Variants in MTUS2 observed in about 807,000 individuals in gnomAD.
MTUS2 encodes the protein microtubule-associated tumor suppressor candidate 2.
MTUS2 carries 40 observed loss-of-function variants against 114.1 expected under a neutral mutation model. The observed-to-expected ratio is 0.35, with a 90% confidence interval of 0.27 to 0.46. The LOEUF (loss-of-function observed/expected upper bound fraction) is 0.46, where lower values mean the gene tolerates loss of function less well. Among genes scored for constraint, MTUS2 ranks in the 20% least tolerant of loss-of-function variants. The pLI, the probability that MTUS2 is intolerant of heterozygous loss-of-function variation, is 1.00. For missense variants in MTUS2, 1,679 were observed against 1,705.4 expected (o/e 0.98, Z 0.27); for synonymous variants, 688 against 672.0 (o/e 1.02, Z -0.37).
chr13:29,186,622 T>C (rs1000881082), intron 5 of MTUS2, among the ~76,000 whole-genome samples: 13 of 152,200 alleles, frequency 8.5e-5, no homozygotes, highest in African/African-American at 3.1e-4. Flanking sequence ...CCAAAATACA[T>C]GAAGCAAAAA....
At chr13:29,414,975 G>A (rs369595899) in intron 8 of MTUS2, among the ~76,000 whole-genome samples, 11 of 146,864 alleles carry the variant, frequency 7.5e-5, no homozygotes, top group Middle Eastern at 3.6e-3. Context: ...GATATGTTTC[G>A]GTTTGGGGGG....
intron 2 of MTUS2, among the ~76,000 whole-genome samples, chr13:28,961,373 A>C (rs1007239932): frequency 6.6e-6 from 1 of 152,160 alleles, no homozygotes; most frequent in Admixed American, 6.5e-5. Flanking sequence ...AAAATGTTGA[A>C]AGTAGCATCA....
intron 2 of MTUS2, among the ~76,000 whole-genome samples, chr13:28,868,410 C>T (rs114733051): frequency 0.014 from 2,056 of 152,216 alleles, 43 homozygotes; most frequent in African/African-American, 0.045. Flanking sequence ...GCTGGGTTGG[C>T]GCCACAGCCT....
chr13:29,026,943 G>C, intron 3 of MTUS2, 40 bp downstream of exon 3: 1 of 1,504,344 alleles, frequency 6.6e-7, no homozygotes, highest in South Asian at 1.3e-5. Flanking sequence ...TAAGTTGACT[G>C]TCCCAATATC....
intron 8 of MTUS2, among the ~76,000 whole-genome samples, chr13:29,420,088 A>G (rs1875963681): frequency 6.6e-6 from 1 of 152,122 alleles, no homozygotes; most frequent in Non-Finnish European, 1.5e-5. Flanking sequence ...TATATAGTAG[A>G]TAGTTTTATC....
chr13:29,203,773 GAGGTAGTT>G (rs200356127), intron 5 of MTUS2, among the ~76,000 whole-genome samples: 12,742 of 151,958 alleles, frequency 0.084, 697 homozygotes, highest in African/African-American at 0.14. Context: ...TTGGCTAGGG[GAGGTAGTT>G]CTTAGACCCA....
intron 4 of MTUS2, among the ~76,000 whole-genome samples, chr13:29,095,242 AG>A (rs1191380661): frequency 2.0e-5 from 3 of 152,176 alleles, no homozygotes; most frequent in African/African-American, 7.2e-5. Flanking sequence ...ATTGAAAGTG[AG>A]GTATTGAAGT....
chr13:29,029,606 A>G (rs530349646), intron 3 of MTUS2, among the ~76,000 whole-genome samples: 2 of 152,336 alleles, frequency 1.3e-5, no homozygotes, highest in African/African-American at 4.8e-5. Context: ...GAGGCTGGGT[A>G]AATTATAAGG....
intron 2 of MTUS2, among the ~76,000 whole-genome samples, chr13:28,892,590 T>C (rs1366614950): frequency 2.6e-5 from 4 of 152,176 alleles, no homozygotes; most frequent in Non-Finnish European, 5.9e-5. Flanking sequence ...TGACTCTGGG[T>C]TCATTGAGTG....
intron 5 of MTUS2, among the ~76,000 whole-genome samples, chr13:29,236,290 A>C (rs1896532749): frequency 6.6e-6 from 1 of 152,100 alleles, no homozygotes; most frequent in Admixed American, 6.6e-5. Flanking sequence ...TATTTTACTC[A>C]ATATTGTCTT....
chr13:29,254,139 A>G (rs1266676718), intron 5 of MTUS2, among the ~76,000 whole-genome samples: 1 of 152,228 alleles, frequency 6.6e-6, no homozygotes, highest in African/African-American at 2.4e-5. Flanking sequence ...GACCATGATG[A>G]GGATGAGAGG....
chr13:28,981,472 T>A (rs1455758343), intron 2 of MTUS2, among the ~76,000 whole-genome samples: 1 of 152,180 alleles, frequency 6.6e-6, no homozygotes, highest in Non-Finnish European at 1.5e-5. Context: ...ATATCTTGAC[T>A]ATGGTAGTAG....
At chr13:28,879,569 T>TG (rs1222006531) in intron 2 of MTUS2, among the ~76,000 whole-genome samples, 1 of 152,214 alleles carries the variant, frequency 6.6e-6, no homozygotes, top group East Asian at 1.9e-4. Context: ...AATCTTGACC[T>TG]GGGGCCTCTC....
chr13:29,059,908 G>A (rs1888329954), intron 4 of MTUS2, among the ~76,000 whole-genome samples: 1 of 152,224 alleles, frequency 6.6e-6, no homozygotes, highest in Non-Finnish European at 1.5e-5. Flanking sequence ...AACAACAGGA[G>A]GGCTGTGCCT....
chr13:29,162,113 C>G (rs1893124328), intron 5 of MTUS2, among the ~76,000 whole-genome samples: 1 of 152,144 alleles, frequency 6.6e-6, no homozygotes, highest in African/African-American at 2.4e-5. Context: ...TCCCTTCTCT[C>G]TGTGTGTGTC....
Position 29,025,259 on chromosome 13 carries a change from C to G in MTUS2, c.561C>G (p.Val187=). 6.2e-7 allele frequency: 1 copy of G among 1,613,930 alleles called. No individual in the cohort carries two copies. The highest frequency in any genetic ancestry group is 2.2e-5 in the East Asian group (1 of 44,874). Residue 187 remains valine (V), a synonymous_variant, in exon 3 of 16, where the codon GTC becomes GTG. Transcript: ENST00000612955. Reference sequence around the variant, plus strand: ...GAGCAAGCAGCTCTGTAGCTGCAGTCGGGAGCCTGACTCCGCAGCATCCAC... The same window carrying G: ...GAGCAAGCAGCTCTGTAGCTGCAGTGGGGAGCCTGACTCCGCAGCATCCAC... The part of the protein sequence containing the change: ...LERASSSVAA[V]GSLTPQHPQP...
chr13:29,502,861 A>T, intron 15 of MTUS2, 132 bp from the exon 16 acceptor site: 1 of 841,790 alleles, frequency 1.2e-6, no homozygotes, highest in East Asian at 2.7e-5. Context: ...GTTCTTGGTC[A>T]CTGGGTCACC....
At chr13:29,452,169 A>G (rs1397434703) in intron 9 of MTUS2, among the ~76,000 whole-genome samples, 2 of 152,186 alleles carry the variant, frequency 1.3e-5, no homozygotes, top group African/African-American at 4.8e-5. Context: ...CCTTAAATGT[A>G]CCAGAGACTG....
rs369487633 is a variant in MTUS2 at position 29,026,015 on chromosome 13, T to G, written c.1317T>G (p.Phe439Leu). The change falls in exon 3 of 16, where the codon TTT becomes TTG. Residue 439 changes from phenylalanine (F) to leucine (L), a missense_variant. Coordinates refer to ENST00000612955, the MANE Select transcript of MTUS2 (RefSeq NM_001033602.4). ...SFSPGDSHVA[F>L]IPNNLTDSKP... is the part of the protein sequence containing the mutation. ...CACCAGGTGACAGTCATGTGGCTTT[T>G]ATTCCTAATAATCTGACTGACAGCA... 1.2e-6 allele frequency: 2 copies of G among 1,613,908 alleles called. No individual in the cohort carries two copies. The highest frequency in any genetic ancestry group is 2.7e-5 in the African/African-American group (2 of 74,928).
Sources: allele counts gnomAD v4.1 joint callset (sites outside exome capture counted in the v4.1 genomes callset), GRCh38; gene constraint gnomAD v4.1.1; transcripts MANE v1.5; gene names NCBI Gene and HGNC (gene_info 2026-07-23, HGNC 2026-07-21).